Variants in RIN2 observed in about 807,000 individuals in gnomAD.
RIN2 encodes RAB5 interacting protein 2.
A neutral mutation model predicts 78.0 loss-of-function variants in RIN2; 36 were observed. That is an observed-to-expected ratio of 0.46 (90% CI 0.35 to 0.61). The LOEUF is 0.61. Among genes scored for constraint, RIN2 ranks in the 20% least tolerant of loss-of-function variants. The pLI is 0.00. For synonymous variants in RIN2, 466 were observed against 466.8 expected (o/e 1.00, Z 0.02); for missense variants, 1,087 against 1,159.7 (o/e 0.94, Z 0.91).
chr20:19,942,416 T>C (rs1271312785), intron 4 of RIN2, among the ~76,000 whole-genome samples: 1 of 152,232 alleles, frequency 6.6e-6, no homozygotes, highest in Non-Finnish European at 1.5e-5. Context: ...ACTGGTGATA[T>C]CTGTTATCTT....
At chr20:19,846,204 T>A (rs1347665981) in intron 2 of RIN2, among the ~76,000 whole-genome samples, 1 of 152,202 alleles carries the variant, frequency 6.6e-6, no homozygotes, top group Non-Finnish European at 1.5e-5. Context: ...TTGTCTTGGC[T>A]ATACGGGCTC....
chr20:19,978,397 C>A (rs1028005732), intron 9 of RIN2, among the ~76,000 whole-genome samples: 3 of 152,216 alleles, frequency 2.0e-5, no homozygotes, highest in African/African-American at 7.2e-5. Flanking sequence ...TACTACTCAT[C>A]TGTCTTCTTC....
intron 1 of RIN2, among the ~76,000 whole-genome samples, chr20:19,788,477 C>A (rs577019636): frequency 7.0e-6 from 1 of 143,824 alleles, no homozygotes; most frequent in South Asian, 2.2e-4. Flanking sequence ...TGGCAGGCAC[C>A]TGTAATCCCA....
chr20:19,843,349 A>T (rs907519120), intron 2 of RIN2, among the ~76,000 whole-genome samples: 1 of 152,042 alleles, frequency 6.6e-6, no homozygotes, highest in African/African-American at 2.4e-5. Context: ...TGATGAAAAA[A>T]AGTCAATCAA....
chr20:19,932,541 T>C (rs1210948282), intron 3 of RIN2, among the ~76,000 whole-genome samples: 1 of 152,164 alleles, frequency 6.6e-6, no homozygotes, highest in Non-Finnish European at 1.5e-5. Flanking sequence ...GCCCCAGTGC[T>C]TCTGGAAGCT....
intron 2 of RIN2, among the ~76,000 whole-genome samples, chr20:19,867,424 GC>G: frequency 6.6e-6 from 1 of 152,230 alleles, no homozygotes; most frequent in Non-Finnish European, 1.5e-5. Context: ...GTCATTTACA[GC>G]ATTTTTTTTC....
chr20:20,000,970 A>C lies in RIN2; in HGVS notation c.*34A>C. On this transcript the variant is annotated 3_prime_UTR_variant, in exon 13 of 13. Coordinates refer to ENST00000255006, the MANE Select transcript of RIN2 (RefSeq NM_018993.4). ...CGGGACTTCCCAGTGGTGCATCCAA[A>C]GGGGAGCTGGAAGCCTTGCCTTCCC... 1 of 1,555,238 alleles carries C rather than the reference A, an allele frequency of 6.4e-7. No homozygotes were observed. Among genetic ancestry groups the C allele is most frequent in the Non-Finnish European group, 8.7e-7 (1 of 1,146,244 alleles).
chr20:19,927,088 T>C (rs1055931124), intron 3 of RIN2, among the ~76,000 whole-genome samples: 3 of 149,406 alleles, frequency 2.0e-5, no homozygotes, highest in Non-Finnish European at 4.4e-5. Context: ...CAGGAGGAGA[T>C]TGGACTCCGC....
chr20:19,882,848 A>C (rs1363670048), intron 2 of RIN2, among the ~76,000 whole-genome samples: 1 of 152,226 alleles, frequency 6.6e-6, no homozygotes, highest in Non-Finnish European at 1.5e-5. Context: ...TTTGAAAAAA[A>C]CGCACAAGTT....
rs534626244 is a variant in RIN2 at position 19,851,063 on chromosome 20, A to T, written c.-36-38503A>T. ...GAAGGAAGGAAGGAGAAAGAAAGGA[A>T]GGAAGGAAGGAAGGAAGGAAGGTAG... On this transcript the variant is annotated intron_variant, in intron 2 of 12. Coordinates refer to ENST00000255006, the MANE Select transcript of RIN2 (RefSeq NM_018993.4). 1.8e-3 allele frequency among the ~76,000 whole-genome samples: 276 copies of T among 150,490 alleles called. 4 individuals carry two copies. The highest frequency in any genetic ancestry group is 6.4e-3 in the African/African-American group (261 of 40,554).
chr20:19,903,146 T>C (rs1252302337), intron 3 of RIN2, among the ~76,000 whole-genome samples: 1 of 152,176 alleles, frequency 6.6e-6, no homozygotes, highest in Non-Finnish European at 1.5e-5. Context: ...CTTAGCATCC[T>C]GTATTTTCTT....
chr20:19,924,205 C>CTA (rs2040069943), intron 3 of RIN2, among the ~76,000 whole-genome samples: 1 of 56,094 alleles, frequency 1.8e-5, no homozygotes, highest in African/African-American at 1.1e-4. Flanking sequence ...CCTTCATACC[C>CTA]CCAACTTTCA....
intron 1 of RIN2, among the ~76,000 whole-genome samples, chr20:19,759,179 C>T (rs142734618): frequency 1.2e-3 from 186 of 152,344 alleles, no homozygotes; most frequent in African/African-American, 4.3e-3. Flanking sequence ...TGATATGTTG[C>T]CAAGAAATAC....
At position 19,997,769 on chromosome 20, in the gene RIN2, C is replaced by T. The variant is rs193117609; in HGVS notation, c.2364+927C>T. 9.5e-3 allele frequency among the ~76,000 whole-genome samples: 1,446 copies of T among 152,086 alleles called. 13 individuals carry two copies. The highest frequency in any genetic ancestry group is 0.024 in the Middle Eastern group (7 of 294). On this transcript the variant is annotated intron_variant, in intron 12 of 12. Transcript: ENST00000255006. Reference sequence around the variant, plus strand: ...GTGAGACTTAGTCTCAAAAAAGAAACAAAGAAATCCTTACCCAACACAATT... The same window carrying T: ...GTGAGACTTAGTCTCAAAAAAGAAATAAAGAAATCCTTACCCAACACAATT...
intron 2 of RIN2, among the ~76,000 whole-genome samples, chr20:19,874,433 C>A (rs183719464): frequency 1.3e-5 from 2 of 152,234 alleles, no homozygotes; most frequent in East Asian, 1.9e-4. Context: ...GAACTTAATA[C>A]CATGAAGTAC....
chr20:19,897,256 G>A (rs563192944), intron 3 of RIN2, among the ~76,000 whole-genome samples: 34 of 152,094 alleles, frequency 2.2e-4, no homozygotes, highest in African/African-American at 7.7e-4. Context: ...CAGATGAACC[G>A]CCACCATGCC....
Position 19,771,759 on chromosome 20 carries a change from C to T in RIN2, c.-163+13432C>T, listed in dbSNP as rs1015587857. On this transcript the variant is annotated intron_variant, in intron 1 of 12. Transcript: ENST00000255006. Reference sequence around the variant, plus strand: ...CCTATCCTCTTTCATTTCATTAAAACGCTCTGACAGCAGCTTTTCTAAATT... The same window carrying T: ...CCTATCCTCTTTCATTTCATTAAAATGCTCTGACAGCAGCTTTTCTAAATT... Among the ~76,000 whole-genome samples the T allele has an allele frequency of 5.3e-5, 8 of 152,174 alleles. No individual in the cohort carries two copies. In the South Asian group the frequency reaches 6.2e-4, roughly 12 times the overall value.
At chr20:19,948,213 T>C (rs558081665) in intron 4 of RIN2, among the ~76,000 whole-genome samples, 2 of 152,148 alleles carry the variant, frequency 1.3e-5, no homozygotes, top group Non-Finnish European at 2.9e-5. Context: ...GCCAGAGAAC[T>C]ATGGAACTTC....
At chr20:19,808,924 G>A (rs7273383) in intron 2 of RIN2, among the ~76,000 whole-genome samples, 47 of 152,196 alleles carry the variant, frequency 3.1e-4, no homozygotes, top group African/African-American at 9.4e-4. Context: ...AAAGGGATGC[G>A]GTCCAGGGCG....
Sources: gnomAD v4.1 joint callset for allele counts (sites outside exome capture counted in the v4.1 genomes callset) on GRCh38, gnomAD v4.1.1 for gene constraint, MANE v1.5 for transcripts, NCBI Gene and HGNC (gene_info 2026-07-23, HGNC 2026-07-21) for gene names.